Variants in ITFG1 observed in about 807,000 individuals in gnomAD.
ITFG1 encodes integrin alpha FG-GAP repeat containing 1.
In ITFG1, 34 loss-of-function variants were observed where a neutral mutation model predicts 81.8. That is an observed-to-expected ratio of 0.42 (90% CI 0.32 to 0.55). ITFG1 has a LOEUF of 0.55. Ranked by LOEUF, ITFG1 falls within the 20% of genes least tolerant of loss-of-function variation. The probability of loss-of-function intolerance (pLI) is 0.17; values close to 1 mark genes in which losing one functional copy is unlikely to be tolerated. For missense variants in ITFG1, 672 were observed against 755.4 expected, an observed-to-expected ratio of 0.89 and a Z score of 1.29; for synonymous variants, 285 against 270.6, an observed-to-expected ratio of 1.05 and a Z score of -0.52.
chr16:47,303,219 C>T (rs1018103075), intron 10 of ITFG1, among the ~76,000 whole-genome samples: 8 of 151,616 alleles, frequency 5.3e-5, no homozygotes, highest in Non-Finnish European at 7.4e-5. Context: ...TGCAGTGAGC[C>T]GAGATCGCAC....
rs1177595735 is a variant in ITFG1 at position 47,256,926 on chromosome 16, A to G, written c.1330+1706T>C. 2.0e-5 allele frequency among the ~76,000 whole-genome samples: 3 copies of G among 152,226 alleles called. No homozygotes were observed. In the East Asian group the frequency reaches 5.8e-4, roughly 29 times the overall value. ...GTCTCTTGGTGTTGGCTATCACAAT[A>G]GTAATGCAAAAACAGTCACCTCTAA... On this transcript the variant is annotated intron_variant, in intron 12 of 17. Coordinates refer to ENST00000320640, the MANE Select transcript of ITFG1 (RefSeq NM_030790.5).
intron 14 of ITFG1, among the ~76,000 whole-genome samples, chr16:47,189,345 C>T (rs1037975478): frequency 6.6e-6 from 1 of 152,162 alleles, no homozygotes; most frequent in Non-Finnish European, 1.5e-5. Flanking sequence ...AAACCCCACA[C>T]CCAAGAGCAC....
chr16:47,274,367 C>T (rs1012074329), intron 10 of ITFG1, among the ~76,000 whole-genome samples: 4 of 152,068 alleles, frequency 2.6e-5, no homozygotes, highest in African/African-American at 9.7e-5. Context: ...GTGCATTTAT[C>T]CTATCAATGA....
At chr16:47,184,751 A>G (rs1272038586) in intron 14 of ITFG1, among the ~76,000 whole-genome samples, 1 of 152,192 alleles carries the variant, frequency 6.6e-6, no homozygotes, top group East Asian at 1.9e-4. Flanking sequence ...TAACATCATA[A>G]TGACAGGACC....
intron 10 of ITFG1, among the ~76,000 whole-genome samples, chr16:47,278,840 A>G (rs1966424011): frequency 6.6e-6 from 1 of 152,212 alleles, no homozygotes; most frequent in Non-Finnish European, 1.5e-5. Flanking sequence ...ACTCACTGAC[A>G]GCACAGCTAT....
intron 6 of ITFG1, among the ~76,000 whole-genome samples, chr16:47,414,400 C>T (rs1374909536): frequency 6.6e-6 from 1 of 151,958 alleles, no homozygotes; most frequent in Non-Finnish European, 1.5e-5. Flanking sequence ...GTGATGCATG[C>T]CTGTAATTCC....
intron 1 of ITFG1, among the ~76,000 whole-genome samples, chr16:47,459,936 G>A (rs1969505231): frequency 6.6e-6 from 1 of 152,190 alleles, no homozygotes; most frequent in South Asian, 2.1e-4. Flanking sequence ...GATCCTGTCA[G>A]GCAAGCTCTG....
At chr16:47,227,780 G>T (rs1326728503) in intron 13 of ITFG1, among the ~76,000 whole-genome samples, 2 of 152,052 alleles carry the variant, frequency 1.3e-5, no homozygotes. Flanking sequence ...ACTGTATTAG[G>T]TATAATCAAT....
intron 6 of ITFG1, among the ~76,000 whole-genome samples, chr16:47,418,103 T>C (rs921040929): frequency 6.6e-6 from 1 of 152,324 alleles, no homozygotes; most frequent in East Asian, 1.9e-4. Flanking sequence ...TATTTCACTG[T>C]AGTTTAAATT....
intron 10 of ITFG1, 128 bp from the exon 11 acceptor site, chr16:47,260,823 C>G: frequency 9.7e-7 from 1 of 1,028,094 alleles, no homozygotes; most frequent in Non-Finnish European, 1.4e-6. Flanking sequence ...AAAATCTCCA[C>G]ATTTTTTGTT....
At chr16:47,180,747 C>G (rs1485626529) in intron 14 of ITFG1, among the ~76,000 whole-genome samples, 2 of 152,182 alleles carry the variant, frequency 1.3e-5, no homozygotes, top group Non-Finnish European at 2.9e-5. Flanking sequence ...CTCCACCTCC[C>G]AGCCGCCTGC....
chr16:47,155,992 ATACT>A (rs1964698339), intron 17 of ITFG1, among the ~76,000 whole-genome samples: 1 of 152,240 alleles, frequency 6.6e-6, no homozygotes, highest in Admixed American at 6.5e-5. Flanking sequence ...AAATACTTGA[ATACT>A]TAAGGCACAT....
intron 10 of ITFG1, among the ~76,000 whole-genome samples, chr16:47,295,954 A>T (rs1966974994): frequency 6.6e-6 from 1 of 151,948 alleles, no homozygotes; most frequent in South Asian, 2.1e-4. Flanking sequence ...CTGAAGTGCA[A>T]GTGGCACAAT....
intron 12 of ITFG1, among the ~76,000 whole-genome samples, chr16:47,250,131 G>A (rs1296252122): frequency 6.6e-6 from 1 of 152,068 alleles, no homozygotes; most frequent in East Asian, 1.9e-4. Flanking sequence ...GTAAAATCAA[G>A]TACCTGCTTC....
At chr16:47,199,295 A>C (rs75972549) in intron 14 of ITFG1, among the ~76,000 whole-genome samples, 2 of 24,106 alleles carry the variant, frequency 8.3e-5, no homozygotes, top group Non-Finnish European at 2.1e-4. Flanking sequence ...CCAAACCAAA[A>C]CAAAAAAACC....
At chr16:47,300,371 C>T (rs945930308) in intron 10 of ITFG1, among the ~76,000 whole-genome samples, 3 of 152,204 alleles carry the variant, frequency 2.0e-5, no homozygotes, top group Non-Finnish European at 2.9e-5. Context: ...GCCATCCCTA[C>T]CACTTGGTCA....
intron 5 of ITFG1, among the ~76,000 whole-genome samples, chr16:47,447,331 AGAT>A (rs987668509): frequency 4.6e-5 from 7 of 152,216 alleles, no homozygotes; most frequent in African/African-American, 1.7e-4. Context: ...TCTCAAAAGA[AGAT>A]GATCTTTCTG....
At chr16:47,348,500 C>T (rs1220310944) in intron 8 of ITFG1, among the ~76,000 whole-genome samples, 3 of 151,744 alleles carry the variant, frequency 2.0e-5, no homozygotes, top group Non-Finnish European at 2.9e-5. Context: ...TGAGAAGAGA[C>T]GTTTAGAGAA....
intron 2 of ITFG1, 111 bp downstream of exon 2, chr16:47,458,992 G>A: frequency 1.5e-6 from 1 of 661,972 alleles, no homozygotes; most frequent in Non-Finnish European, 2.6e-6. Flanking sequence ...ACAAACAGTG[G>A]TTTTGCATCC....
Sources: gnomAD v4.1 joint callset for allele counts (sites outside exome capture counted in the v4.1 genomes callset) on GRCh38, gnomAD v4.1.1 for gene constraint, MANE v1.5 for transcripts, NCBI Gene and HGNC (gene_info 2026-07-23, HGNC 2026-07-21) for gene names.